MAP7D1: variants seen among roughly 807,000 people sequenced by gnomAD.
The protein encoded by MAP7D1 is MAP7 domain-containing protein 1.
A neutral mutation model predicts 97.5 loss-of-function variants in MAP7D1; 30 were observed. The ratio of observed to expected loss-of-function variants is 0.31; its 90% confidence interval spans 0.23 to 0.42. MAP7D1 has a LOEUF of 0.42. Ranked by LOEUF, MAP7D1 falls within the 10% of genes least tolerant of loss-of-function variation. MAP7D1 has a pLI of 1.00. For synonymous variants in MAP7D1, 536 were observed against 477.1 expected (o/e 1.12, Z -1.61); for missense variants, 1,184 against 1,179.5 (o/e 1.00, Z -0.06).
At chr1:36,160,932 C>G (rs1047506418) in intron 1 of MAP7D1, among the ~76,000 whole-genome samples, 1 of 152,270 alleles carries the variant, frequency 6.6e-6, no homozygotes, top group Non-Finnish European at 1.5e-5. Flanking sequence ...CAGGCCTTGG[C>G]CTGAGGTTGG....
intron 8 of MAP7D1, chr1:36,177,500 G>A: frequency 4.0e-6 from 2 of 499,476 alleles, no homozygotes; most frequent in Middle Eastern, 3.0e-4. Flanking sequence ...CTCCAGCCTG[G>A]GGGTCAGCCA....
In MAP7D1 at chr1:36,173,476, C is replaced by T. The variant is rs1379013966; in HGVS notation, c.737C>T (p.Thr246Ile). The T allele has an allele frequency of 6.2e-7, 1 of 1,607,670 alleles. No homozygotes were observed. Among genetic ancestry groups the T allele is most frequent in the African/African-American group, 1.3e-5 (1 of 74,646 alleles). ...ALHHSSPGHK[T>I]SGSRCSVSAV... is the part of the protein sequence containing the mutation. Reference sequence around the variant, plus strand: ...CACCACAGCTCTCCAGGACATAAGACCAGTGAGTAGGCTGGAGGGGCTGGG... The same window carrying T: ...CACCACAGCTCTCCAGGACATAAGATCAGTGAGTAGGCTGGAGGGGCTGGG... Residue 246 changes from threonine (T) to isoleucine (I), a missense_variant and splice_region_variant, in exon 5 of 17, where the codon ACC becomes ATC. By Grantham distance (89) the Thr-to-Ile change is moderately conservative. Transcript: ENST00000474796.
chr1:36,161,458 C>T (rs563459476), intron 1 of MAP7D1, among the ~76,000 whole-genome samples: 1 of 152,348 alleles, frequency 6.6e-6, no homozygotes, highest in South Asian at 2.1e-4. Flanking sequence ...CAAACCCCAG[C>T]TTTGCTACTC....
chr1:36,156,878 C>T (rs1644339433), intron 1 of MAP7D1, among the ~76,000 whole-genome samples: 2 of 151,918 alleles, frequency 1.3e-5, no homozygotes, highest in African/African-American at 2.4e-5. Flanking sequence ...CTGAGTGTGT[C>T]GGGGGTCCAT....
At chr1:36,162,661 T>G (rs1336159500) in intron 1 of MAP7D1, among the ~76,000 whole-genome samples, 1 of 152,194 alleles carries the variant, frequency 6.6e-6, no homozygotes, top group Non-Finnish European at 1.5e-5. Flanking sequence ...ATGTTAGAGC[T>G]TCAGTAAATT....
In MAP7D1 at chr1:36,172,496, G is replaced by C; in HGVS notation, c.493G>C (p.Glu165Gln). Reference sequence around the variant, plus strand: ...GAAGGCAGTGTGGCTGGAGAAGGAGGAGAAGGCCAAGGCGCTGCGGGAGAA... The same window carrying C: ...GAAGGCAGTGTGGCTGGAGAAGGAGCAGAAGGCCAAGGCGCTGCGGGAGAA... The part of the protein sequence containing the change: ...AKKAVWLEKE[E>Q]KAKALREKQL... Residue 165 changes from glutamate to glutamine, a missense_variant, in exon 4 of 17, where the codon GAG (glutamate) becomes CAG (glutamine). Glu to Gln is a conservative substitution (Grantham distance 29). Coordinates refer to ENST00000474796, the MANE Select transcript of MAP7D1 (RefSeq NM_001388490.1). 2 of 1,596,580 alleles carry C rather than the reference G, an allele frequency of 1.3e-6. No individual in the cohort carries two copies. Among genetic ancestry groups the C allele is most frequent in the Non-Finnish European group, 1.7e-6 (2 of 1,167,422 alleles).
At chr1:36,165,038 A>G (rs1644457749) in intron 1 of MAP7D1, among the ~76,000 whole-genome samples, 1 of 152,250 alleles carries the variant, frequency 6.6e-6, no homozygotes, top group Admixed American at 6.5e-5. Context: ...AATGGTGTTA[A>G]TGCCTATGGA....
chr1:36,169,129 G>A (rs1644509268), intron 1 of MAP7D1, among the ~76,000 whole-genome samples: 1 of 151,898 alleles, frequency 6.6e-6, no homozygotes, highest in African/African-American at 2.4e-5. Context: ...GCAGGTGCCT[G>A]TAATCCCAGC....
intron 6 of MAP7D1, among the ~76,000 whole-genome samples, chr1:36,175,613 G>A (rs1644607479): frequency 6.6e-6 from 1 of 152,190 alleles, no homozygotes; most frequent in Admixed American, 6.5e-5. Flanking sequence ...GCATTTGTTT[G>A]GCTGCTTTGT....
rs776951941 is a variant in MAP7D1 at position 36,179,979 on chromosome 1, T to G, written c.2424T>G (p.Ser808Arg). ...CCAACGGACCCTCTGGGGACAAGAGTCTGAGCCGAACACCAGAGACACTCC... is the reference window on the plus strand; with the variant it reads ...CCAACGGACCCTCTGGGGACAAGAGGCTGAGCCGAACACCAGAGACACTCC... ...FSTNGPSGDKSLSRTPETLLP... is the reference protein window; with the variant it reads ...FSTNGPSGDKRLSRTPETLLP... The change falls in exon 16 of 17, where the codon AGT becomes AGG. Residue 808 changes from serine (S) to arginine (R), a missense_variant. Transcript: ENST00000474796. 2 of 1,613,948 alleles carry G rather than the reference T, an allele frequency of 1.2e-6. No individual in the cohort carries two copies. Among genetic ancestry groups the G allele is most frequent in the Non-Finnish European group, 1.7e-6 (2 of 1,179,974 alleles).
chr1:36,158,461 CAG>C (rs753917320), intron 1 of MAP7D1, among the ~76,000 whole-genome samples: 25 of 152,236 alleles, frequency 1.6e-4, no homozygotes, highest in South Asian at 1.0e-3. Flanking sequence ...TGAGCAGTAA[CAG>C]GGGGTGGTGT....
chr1:36,171,443 G>T, intron 2 of MAP7D1, 70 bp from the exon 3 acceptor site: 3 of 1,584,378 alleles, frequency 1.9e-6, no homozygotes, highest in Non-Finnish European at 2.6e-6. Flanking sequence ...GGCCCGGAGG[G>T]AGGGATCTGA....
intron 8 of MAP7D1, 107 bp from the exon 9 acceptor site, chr1:36,177,766 G>A: frequency 1.2e-5 from 17 of 1,453,660 alleles, no homozygotes; most frequent in South Asian, 7.3e-5. Context: ...GGCGGGGGGC[G>A]GCGCTGATGT....
At position 36,171,070 on chromosome 1, in the gene MAP7D1, C is replaced by T. The variant is rs143519132; in HGVS notation, c.146C>T (p.Pro49Leu). Reference protein sequence around the residue: ...PMSALVPDTPPDTPPAMKNAT... With the variant: ...PMSALVPDTPLDTPPAMKNAT... ...TCAGCCCTGGTCCCCGACACTCCCC[C>T]GGACACCCCTCCTGCCATGAAGAAT... The change falls in exon 2 of 17, where the codon CCG becomes CTG. Residue 49 changes from proline (P) to leucine (L), a missense_variant. Transcript: ENST00000474796. The T allele has an allele frequency of 1.9e-4, 298 of 1,607,570 alleles. 1 individual carries two copies. The Admixed American group carries it at 3.7e-3, about 20-fold the overall frequency.
chr1:36,161,939 C>T (rs868253658), intron 1 of MAP7D1, among the ~76,000 whole-genome samples: 1 of 151,452 alleles, frequency 6.6e-6, no homozygotes, highest in Non-Finnish European at 1.5e-5. Context: ...TGTCTTGTCT[C>T]TCGCCATTGT....
At position 36,179,946 on chromosome 1, in the gene MAP7D1, C is replaced by T. The variant is rs1557785534; in HGVS notation, c.2391C>T (p.Gly797=). ...LQPLPAHQEN[G]FSTNGPSGDK... is the part of the protein sequence containing the mutation. Reference sequence around the variant, plus strand: ...CTCTCCCAGCACACCAGGAGAATGGCTTCTCCACCAACGGACCCTCTGGGG... The same window carrying T: ...CTCTCCCAGCACACCAGGAGAATGGTTTCTCCACCAACGGACCCTCTGGGG... The change falls in exon 16 of 17, where the codon GGC becomes GGT. Residue 797 remains glycine, a synonymous_variant. Coordinates refer to ENST00000474796, the MANE Select transcript of MAP7D1 (RefSeq NM_001388490.1). 1 of 1,614,196 alleles carries T rather than the reference C, an allele frequency of 6.2e-7. No homozygotes were observed. Among genetic ancestry groups the T allele is most frequent in the Non-Finnish European group, 8.5e-7 (1 of 1,180,000 alleles).
Position 36,178,550 on chromosome 1 carries a change from C to T in MAP7D1, c.1840C>T (p.Arg614Trp), listed in dbSNP as rs1172164051. ...GAAGCGGCGCCAGGCCCGGGAGCAG[C>T]GGGAGCGCGAGGAGCAGGAGCGGAG... ...AEKRRQAREQ[R>W]EREEQERRLQ... Residue 614 changes from arginine (R) to tryptophan (W), a missense_variant, in exon 10 of 17, where the codon CGG becomes TGG. Physicochemically the swap from Arg to Trp is moderately radical, Grantham distance 101. Coordinates refer to ENST00000474796, the MANE Select transcript of MAP7D1 (RefSeq NM_001388490.1). The T allele has an allele frequency of 2.5e-6, 4 of 1,596,744 alleles. No individual in the cohort carries two copies. Among genetic ancestry groups the T allele is most frequent in the Non-Finnish European group, 3.4e-6 (4 of 1,172,572 alleles).
Position 36,179,551 on chromosome 1 carries a change from A to G in MAP7D1, c.2221A>G (p.Ser741Gly), listed in dbSNP as rs1644686648. ...DSKEANANGS[S>G]PEPVKAVEAR... The stretch of plus-strand genomic sequence containing the variant: ...CAAGGAGGCCAACGCCAACGGTTCC[A>G]GCCCAGGTAAAGCCCCCATTCCTCT... The change falls in exon 14 of 17, where the codon AGC becomes GGC. Residue 741 changes from serine to glycine, a missense_variant. Ser to Gly is a moderately conservative substitution (Grantham distance 56, BLOSUM62 0). Coordinates refer to ENST00000474796, the MANE Select transcript of MAP7D1 (RefSeq NM_001388490.1). 1.3e-6 allele frequency: 2 copies of G among 1,569,722 alleles called. No homozygotes were observed. Among genetic ancestry groups the G allele is most frequent in the African/African-American group, 1.3e-5 (1 of 74,128 alleles).
chr1:36,161,001 G>A (rs1037385969), intron 1 of MAP7D1, among the ~76,000 whole-genome samples: 1 of 152,258 alleles, frequency 6.6e-6, no homozygotes, highest in African/African-American at 2.4e-5. Flanking sequence ...CTGAGGGAGG[G>A]ATGTGGTGGG....
Sources: gnomAD v4.1 joint callset for allele counts (sites outside exome capture counted in the v4.1 genomes callset) on GRCh38, gnomAD v4.1.1 for gene constraint, MANE v1.5 for transcripts, NCBI Gene and HGNC (gene_info 2026-07-23, HGNC 2026-07-21) for gene names.